Variants in CELF2 observed in about 807,000 individuals in gnomAD.
CELF2 encodes CUGBP Elav-like family member 2.
A neutral mutation model predicts 62.6 loss-of-function variants in CELF2; 8 were observed. The observed-to-expected ratio is 0.13, with a 90% confidence interval of 0.07 to 0.23. The LOEUF (loss-of-function observed/expected upper bound fraction) is 0.23, where lower values mean the gene tolerates loss of function less well. Ranked by LOEUF, CELF2 falls within the 10% of genes least tolerant of loss-of-function variation. The pLI is 1.00. For missense variants in CELF2, 333 were observed against 671.0 expected, an observed-to-expected ratio of 0.50 and a Z score of 5.56; for synonymous variants, 258 against 250.0, an observed-to-expected ratio of 1.03 and a Z score of -0.30.
chr10:11,133,958 T>G (rs929157109), intron 1 of CELF2, among the ~76,000 whole-genome samples: 1 of 152,220 alleles, frequency 6.6e-6, no homozygotes, highest in African/African-American at 2.4e-5. Flanking sequence ...TTGGTTGTAT[T>G]TTTTTACAGT....
Position 10,869,437 on chromosome 10 carries a change from C to T in CELF2, c.54-50527C>T, listed in dbSNP as rs145618082. On this transcript the variant is annotated intron_variant, in intron 1 of 13. Coordinates refer to the CELF2 transcript ENST00000636488. ...ATTAATTGGGCATGGTGGTGTACGC[C>T]CGTAATCCCAGCTACTTGGGAGGCT... is the stretch of plus-strand genomic sequence containing the variant. 2.7e-3 allele frequency among the ~76,000 whole-genome samples: 413 copies of T among 152,110 alleles called. 1 individual carries two copies. The highest frequency in any genetic ancestry group is 3.5e-3 in the Non-Finnish European group (240 of 67,998).
intron 1 of CELF2, among the ~76,000 whole-genome samples, chr10:11,064,337 C>T (rs78454888): frequency 6.6e-6 from 1 of 152,188 alleles, no homozygotes; most frequent in Non-Finnish European, 1.5e-5. Context: ...GCCAGTCCCA[C>T]CAGCACTCCC....
At position 11,285,757 on chromosome 10, in the gene CELF2, A is replaced by G. The variant is rs77735795; in HGVS notation, c.842-2661A>G. On this transcript the variant is annotated intron_variant, in intron 8 of 12. Coordinates refer to ENST00000633077, the MANE Select transcript of CELF2 (RefSeq NM_001326342.2). This position sits in a 1 kb window ranked among gnomAD's most constrained non-coding sequence, Gnocchi z 4.3. Reference sequence around the variant, plus strand: ...ATACTCTTCAGAGCAATTTATGTAAATGTCAAACTTGTCTGTTACCCTGTT... The same window carrying G: ...ATACTCTTCAGAGCAATTTATGTAAGTGTCAAACTTGTCTGTTACCCTGTT... 0.02 allele frequency among the ~76,000 whole-genome samples: 3,049 copies of G among 152,170 alleles called. 100 individuals are homozygous for G. Among genetic ancestry groups the G allele is most frequent in the African/African-American group, 0.069 (2,867 of 41,506 alleles).
Position 11,270,747 on chromosome 10 carries a change from C to G in CELF2, c.700C>G (p.Gln234Glu). 1 of 1,565,074 alleles carries G rather than the reference C, an allele frequency of 6.4e-7. No homozygotes were observed. The highest frequency in any genetic ancestry group is 8.7e-7 in the Non-Finnish European group (1 of 1,152,066). The change falls in exon 7 of 13, where the codon CAG becomes GAG. Residue 234 changes from glutamine to glutamate, a missense_variant. Coordinates refer to ENST00000633077, the MANE Select transcript of CELF2 (RefSeq NM_001326342.2). This position sits in a 1 kb window ranked among gnomAD's most constrained non-coding sequence, Gnocchi z 5.8. ...EQRRLQQQLA[Q>E]QMQQLNTATW... is the part of the protein sequence containing the mutation. ...AAGGCGCCTCCAGCAGCAGCTCGCT[C>G]AGCAGATGCAGCAGCTCAACACTGC... is the stretch of plus-strand genomic sequence containing the variant.
At chr10:11,147,778 C>T (rs539370945) in intron 1 of CELF2, among the ~76,000 whole-genome samples, 2 of 152,336 alleles carry the variant, frequency 1.3e-5, no homozygotes, top group African/African-American at 2.4e-5. Flanking sequence ...ATTATCTCCA[C>T]GGCATAGAGT....
intron 1 of CELF2, among the ~76,000 whole-genome samples, chr10:11,025,071 G>A (rs1317791878): frequency 1.3e-5 from 2 of 152,182 alleles, no homozygotes; most frequent in African/African-American, 4.8e-5. Flanking sequence ...CTTTCTCCTA[G>A]TAGCAGGAAA....
rs1166308117 is a variant in CELF2 at position 11,260,171 on chromosome 10, G to A, written c.538+2299G>A. Among the ~76,000 whole-genome samples the A allele has an allele frequency of 1.3e-5, 2 of 152,204 alleles. No individual in the cohort carries two copies. Among genetic ancestry groups the A allele is most frequent in the Non-Finnish European group, 2.9e-5 (2 of 68,034 alleles). ...GTAAATGACAGCCGTAACTATATCT[G>A]CCCTGCTTCTCTTGCAGGGAGTCAT... On this transcript the variant is annotated intron_variant, in intron 5 of 12. Transcript: ENST00000633077. This position sits in a 1 kb window ranked among gnomAD's most constrained non-coding sequence, Gnocchi z 4.2.
Position 11,247,714 on chromosome 10 carries a change from A to G in CELF2, c.355-1439A>G, listed in dbSNP as rs569748661. 1.3e-4 allele frequency among the ~76,000 whole-genome samples: 20 copies of G among 152,286 alleles called. No individual in the cohort carries two copies. In the South Asian group the frequency reaches 2.7e-3, roughly 21 times the overall value. ...CTGACATAGGGTACCTGTTTGCTCC[A>G]TACCTGCTGGACAACCAGACAGATG... On this transcript the variant is annotated intron_variant, in intron 3 of 12. Coordinates refer to ENST00000633077, the MANE Select transcript of CELF2 (RefSeq NM_001326342.2). The surrounding 1 kb of genome is among the most constrained non-coding windows in gnomAD (Gnocchi z 5.4).
At chr10:10,724,144 T>G in the CELF2 span, among the ~76,000 whole-genome samples, 1 of 152,194 alleles carries the variant, frequency 6.6e-6, no homozygotes, top group Non-Finnish European at 1.5e-5. Flanking sequence ...CCATAAAAAT[T>G]TCATTCTTTT....
chr10:11,127,226 A>G (rs1206074245), intron 1 of CELF2, among the ~76,000 whole-genome samples: 1 of 152,116 alleles, frequency 6.6e-6, no homozygotes, highest in African/African-American at 2.4e-5. Flanking sequence ...ACATGAACTC[A>G]TCCTTTTTAT....
At chr10:10,601,105 T>C in the CELF2 span, among the ~76,000 whole-genome samples, 373 of 152,348 alleles carry the variant, frequency 2.4e-3, no homozygotes, top group Middle Eastern at 0.02. Flanking sequence ...TAAAGAGATC[T>C]GTCGGCTCCA....
At chr10:10,481,350 T>C in the CELF2 span, among the ~76,000 whole-genome samples, 11 of 152,244 alleles carry the variant, frequency 7.2e-5, no homozygotes, top group Admixed American at 2.0e-4. Flanking sequence ...TTGTTTTCCA[T>C]CATGTACCTA....
chr10:11,058,540 C>T (rs555347552), intron 1 of CELF2, among the ~76,000 whole-genome samples: 3 of 141,592 alleles, frequency 2.1e-5, no homozygotes, highest in Admixed American at 7.5e-5. Context: ...GATCTCGACT[C>T]GCTGCAACCT....
At chr10:11,228,997 G>A (rs112969402) in intron 3 of CELF2, among the ~76,000 whole-genome samples, 4,473 of 152,240 alleles carry the variant, frequency 0.029, 226 homozygotes, top group African/African-American at 0.1. Context: ...AAAGTAGGCC[G>A]GATGGAATTA....
At chr10:11,066,039 G>T (rs977691795) in intron 1 of CELF2, among the ~76,000 whole-genome samples, 4 of 152,256 alleles carry the variant, frequency 2.6e-5, no homozygotes, top group Admixed American at 1.3e-4. Context: ...GAACCCAAAG[G>T]CCATTGTGGC....
chr10:11,307,640 A>G lies in CELF2; in HGVS notation c.977-6499A>G, dbSNP rs570471516. On this transcript the variant is annotated intron_variant, in intron 9 of 12. Transcript: ENST00000633077. ...CTTCTTCTTCCTCCGTTTAAATACA[A>G]TGAAACAGAAGGTTGGGGAGATGAG... Among the ~76,000 whole-genome samples, 21 of 152,314 alleles carry G rather than the reference A, an allele frequency of 1.4e-4. No individual in the cohort carries two copies. The South Asian group carries it at 3.7e-3, about 27-fold the overall frequency.
intron 1 of CELF2, among the ~76,000 whole-genome samples, chr10:11,048,472 G>T (rs1455588774): frequency 6.6e-6 from 1 of 152,174 alleles, no homozygotes; most frequent in Non-Finnish European, 1.5e-5. Context: ...TTAATTCCAG[G>T]ATGGTTATTT....
At chr10:10,576,368 A>T in the CELF2 span, among the ~76,000 whole-genome samples, 1 of 152,172 alleles carries the variant, frequency 6.6e-6, no homozygotes, top group African/African-American at 2.4e-5. Context: ...AAGCATAAAT[A>T]CTAGCTTTCT....
the CELF2 span, among the ~76,000 whole-genome samples, chr10:10,599,725 C>CTTTTT: frequency 8.8e-4 from 119 of 134,554 alleles, no homozygotes; most frequent in Non-Finnish European, 1.1e-3. Flanking sequence ...TTCTTTCTTT[C>CTTTTT]TTTTTTTTTT....
Sources: gnomAD v4.1 joint callset for allele counts (sites outside exome capture counted in the v4.1 genomes callset) on GRCh38, gnomAD v4.1.1 for gene constraint, Gnocchi (gnomAD v3.1) non-coding constraint, MANE v1.5 for transcripts, NCBI Gene and HGNC (gene_info 2026-07-23, HGNC 2026-07-21) for gene names.